The following FER1L6 variants were observed in gnomAD, a reference collection of about 807,000 sequenced individuals.
FER1L6 encodes the protein fer-1-like protein 6.
In FER1L6, 177 loss-of-function variants were observed where a neutral mutation model predicts 219.2. That is an observed-to-expected ratio of 0.81 (90% CI 0.71 to 0.91). The LOEUF is 0.91. Among genes scored for constraint, FER1L6 ranks in the 40% least tolerant of loss-of-function variants. FER1L6 has a pLI of 0.00. For synonymous variants in FER1L6, 768 were observed against 824.3 expected (o/e 0.93, Z 1.17); for missense variants, 2,153 against 2,259.9 (o/e 0.95, Z 0.96).
At chr8:123,898,348 C>A (rs1310871259) in intron 1 of FER1L6, among the ~76,000 whole-genome samples, 2 of 151,786 alleles carry the variant, frequency 1.3e-5, no homozygotes, top group African/African-American at 4.8e-5. Flanking sequence ...TGAGTAAGTT[C>A]TTTAGTGGTG....
At position 123,857,511 on chromosome 8, in the gene FER1L6, GA is replaced by G. The variant is rs1563664044; in HGVS notation, c.-8+5333del. ...GGCAACAGGGTGAGACACTATCTCAGAAAAAAATCCAGTCTGGTGTAAATCA... is the reference window on the plus strand; with the variant it reads ...GGCAACAGGGTGAGACACTATCTCAGAAAAAATCCAGTCTGGTGTAAATCA... On this transcript the variant is annotated intron_variant, in intron 1 of 40. Coordinates refer to ENST00000522917, the MANE Select transcript of FER1L6 (RefSeq NM_001039112.2). 2.0e-5 allele frequency among the ~76,000 whole-genome samples: 3 copies of G among 152,116 alleles called. No homozygotes were observed. The South Asian group carries it at 6.2e-4, about 32-fold the overall frequency.
intron 28 of FER1L6, 45 bp from the exon 29 acceptor site, chr8:124,069,315 A>G: frequency 2.8e-6 from 4 of 1,409,742 alleles, no homozygotes; most frequent in Non-Finnish European, 3.0e-6. Context: ...GTTCCTTCTC[A>G]TCTCAACCGC....
intron 1 of FER1L6, among the ~76,000 whole-genome samples, chr8:123,890,137 G>T (rs1035025680): frequency 1.3e-5 from 2 of 152,048 alleles, no homozygotes; most frequent in African/African-American, 4.8e-5. Context: ...ATAAATGTTT[G>T]CATTTCTTTG....
chr8:123,998,318 T>A (rs1380130085), intron 12 of FER1L6, among the ~76,000 whole-genome samples: 1 of 150,652 alleles, frequency 6.6e-6, no homozygotes, highest in Non-Finnish European at 1.5e-5. Flanking sequence ...AAAAGAATTC[T>A]CTTGATTAAT....
chr8:123,889,640 A>G (rs1291031652), intron 1 of FER1L6, among the ~76,000 whole-genome samples: 1 of 152,138 alleles, frequency 6.6e-6, no homozygotes, highest in Non-Finnish European at 1.5e-5. Flanking sequence ...TTAATTCTGT[A>G]TATAAAAAAG....
At chr8:123,875,658 G>T (rs138045414) in intron 1 of FER1L6, among the ~76,000 whole-genome samples, 1 of 152,234 alleles carries the variant, frequency 6.6e-6, no homozygotes, top group East Asian at 1.9e-4. Context: ...CAAACATCAA[G>T]ATCTTCATAG....
At chr8:124,107,515 C>G (rs1436102717) in intron 39 of FER1L6, among the ~76,000 whole-genome samples, 1 of 152,058 alleles carries the variant, frequency 6.6e-6, no homozygotes, top group Non-Finnish European at 1.5e-5. Flanking sequence ...TGTTAAGATC[C>G]GTAGAAGCAT....
At chr8:123,959,699 T>A (rs1815182308) in intron 2 of FER1L6, among the ~76,000 whole-genome samples, 1 of 152,154 alleles carries the variant, frequency 6.6e-6, no homozygotes, top group Admixed American at 6.5e-5. Context: ...TTAGAAAGCA[T>A]TAAATTGATG....
intron 1 of FER1L6, among the ~76,000 whole-genome samples, chr8:123,913,208 A>G (rs1222710063): frequency 6.6e-6 from 1 of 152,098 alleles, no homozygotes; most frequent in Non-Finnish European, 1.5e-5. Flanking sequence ...ATTTTACTTA[A>G]TACCTACTAA....
intron 11 of FER1L6, among the ~76,000 whole-genome samples, chr8:123,981,190 G>A (rs1305266856): frequency 6.6e-6 from 1 of 152,146 alleles, no homozygotes; most frequent in Non-Finnish European, 1.5e-5. Context: ...GATAATTTTG[G>A]ATGAGGAATG....
intron 1 of FER1L6, among the ~76,000 whole-genome samples, chr8:123,865,815 G>A (rs544700597): frequency 2.0e-5 from 3 of 151,498 alleles, no homozygotes; most frequent in Middle Eastern, 3.2e-3. Flanking sequence ...TCCCAGGTGA[G>A]GCAATGCCTC....
chr8:123,864,771 A>G (rs536884916), intron 1 of FER1L6, among the ~76,000 whole-genome samples: 1,948 of 149,798 alleles, frequency 0.013, 81 homozygotes, highest in African/African-American at 0.047. Flanking sequence ...AGTTGATCGC[A>G]TCGGCTCCTG....
chr8:124,033,201 C>T (rs1214039366), intron 18 of FER1L6, among the ~76,000 whole-genome samples: 1 of 152,140 alleles, frequency 6.6e-6, no homozygotes, highest in East Asian at 1.9e-4. Context: ...TTCCTGGGTG[C>T]CAAGAACTCT....
At chr8:124,033,230 G>A (rs1250691519) in intron 18 of FER1L6, among the ~76,000 whole-genome samples, 2 of 152,140 alleles carry the variant, frequency 1.3e-5, no homozygotes, top group African/African-American at 4.8e-5. Flanking sequence ...CTGGGGACAC[G>A]GCAGTGAAGC....
At chr8:123,898,806 CAT>C (rs1267245516) in intron 1 of FER1L6, among the ~76,000 whole-genome samples, 11 of 76,164 alleles carry the variant, frequency 1.4e-4, no homozygotes, top group African/African-American at 3.2e-4. Flanking sequence ...CATATATACA[CAT>C]ATATATACAT....
Position 124,017,136 on chromosome 8 carries a change from T to C in FER1L6, c.1923-492T>C, listed in dbSNP as rs535957791. 3.3e-4 allele frequency among the ~76,000 whole-genome samples: 51 copies of C among 152,322 alleles called. 2 individuals are homozygous for C. Among genetic ancestry groups the C allele is most frequent in the Middle Eastern group, 6.8e-3 (2 of 294 alleles). ...GTCCATTTACATTTTTCTTCTTGAA[T>C]GGCATTCACAATCTTTACTATTTTC... On this transcript the variant is annotated intron_variant, in intron 15 of 40. Coordinates refer to ENST00000522917, the MANE Select transcript of FER1L6 (RefSeq NM_001039112.2).
chr8:123,915,050 T>G (rs72709108), intron 1 of FER1L6, among the ~76,000 whole-genome samples: 2,273 of 149,800 alleles, frequency 0.015, 19 homozygotes, highest in South Asian at 0.029. Flanking sequence ...TTTTTTTTTC[T>G]TTTTCCTTTT....
chr8:124,095,126 C>T, intron 35 of FER1L6, 88 bp downstream of exon 35: 1 of 1,526,652 alleles, frequency 6.6e-7, no homozygotes, highest in East Asian at 2.3e-5. Context: ...TTGACCTTCC[C>T]TCAGGTACAT....
chr8:123,959,087 G>T (rs958021685), intron 2 of FER1L6, among the ~76,000 whole-genome samples: 1 of 152,044 alleles, frequency 6.6e-6, no homozygotes, highest in Non-Finnish European at 1.5e-5. Context: ...AAAGTGACAC[G>T]GTCTGGTTTT....
Sources: allele counts gnomAD v4.1 joint callset (sites outside exome capture counted in the v4.1 genomes callset), GRCh38; gene constraint gnomAD v4.1.1; transcripts MANE v1.5; gene names NCBI Gene and HGNC (gene_info 2026-07-23, HGNC 2026-07-21).